MYT1L: variants seen among roughly 807,000 people sequenced by gnomAD.
MYT1L encodes myelin transcription factor 1-like protein.
In MYT1L, 12 loss-of-function variants were observed where a neutral mutation model predicts 126.7. The observed-to-expected ratio is 0.09, with a 90% CI of 0.06 to 0.15. MYT1L has a LOEUF of 0.15. Among genes scored for constraint, MYT1L ranks in the 10% least tolerant of loss-of-function variants. The pLI, the probability that MYT1L is intolerant of heterozygous loss-of-function variation, is 1.00. For missense variants in MYT1L, 979 were observed against 1,585.2 expected, an observed-to-expected ratio of 0.62 and a Z score of 6.49; for synonymous variants, 541 against 604.2, an observed-to-expected ratio of 0.90 and a Z score of 1.53.
At chr2:2,137,891 A>C (rs2148116476) in intron 3 of MYT1L, among the ~76,000 whole-genome samples, 1 of 152,334 alleles carries the variant, frequency 6.6e-6, no homozygotes, top group South Asian at 2.1e-4. Flanking sequence ...CTACCATCAG[A>C]GTAAACAGGC....
chr2:2,216,221 C>A (rs1221588169), intron 2 of MYT1L, among the ~76,000 whole-genome samples: 2 of 152,082 alleles, frequency 1.3e-5, no homozygotes, highest in Non-Finnish European at 2.9e-5. Context: ...TTATAGAATG[C>A]AAGAACAGCC....
At chr2:1,870,253 A>G (rs913692538) in intron 18 of MYT1L, among the ~76,000 whole-genome samples, 1 of 152,240 alleles carries the variant, frequency 6.6e-6, no homozygotes, top group African/African-American at 2.4e-5. Flanking sequence ...GGAGTCCTCA[A>G]GCTCTCTGTC....
chr2:1,898,134 T>C (rs2148920470), intron 14 of MYT1L, among the ~76,000 whole-genome samples: 1 of 152,330 alleles, frequency 6.6e-6, no homozygotes, highest in South Asian at 2.1e-4. Flanking sequence ...GTTCTAGAAA[T>C]GCCTATTGCC....
intron 17 of MYT1L, chr2:1,886,984 G>T: frequency 2.5e-6 from 1 of 403,152 alleles, no homozygotes; most frequent in South Asian, 1.2e-4. Context: ...TTTTTACTTT[G>T]ACAGCATTGT....
intron 21 of MYT1L, chr2:1,825,326 C>A (rs549484600): frequency 6.6e-6 from 1 of 152,182 alleles, no homozygotes; most frequent in South Asian, 2.1e-4. Flanking sequence ...CTAGTTATGG[C>A]GAGCAAGCTC....
intron 2 of MYT1L, among the ~76,000 whole-genome samples, chr2:2,189,836 G>C (rs548643894): frequency 1.5e-5 from 2 of 135,160 alleles, no homozygotes; most frequent in Non-Finnish European, 3.0e-5. Context: ...TTCTCAGGAC[G>C]GCACGGGGAG....
chr2:2,109,316 C>T (rs909387778), intron 3 of MYT1L, among the ~76,000 whole-genome samples: 5 of 152,220 alleles, frequency 3.3e-5, no homozygotes, highest in African/African-American at 9.7e-5. Context: ...GTCCCACTCC[C>T]TGACAGCGGA....
chr2:2,037,556 G>T (rs1157960272), intron 4 of MYT1L, among the ~76,000 whole-genome samples: 5 of 151,456 alleles, frequency 3.3e-5, no homozygotes, highest in Non-Finnish European at 7.4e-5. Flanking sequence ...AGGAGTTTAA[G>T]ACCAGCCTGG....
chr2:2,189,259 A>G (rs112807246), intron 2 of MYT1L, among the ~76,000 whole-genome samples: 1,744 of 152,268 alleles, frequency 0.011, 17 homozygotes, highest in Non-Finnish European at 0.016. Flanking sequence ...GTTGCTCACA[A>G]TGTTCTCCTG....
chr2:1,904,886 C>T (rs1220861586), intron 13 of MYT1L, among the ~76,000 whole-genome samples: 4 of 150,858 alleles, frequency 2.7e-5, no homozygotes, highest in Non-Finnish European at 4.4e-5. Context: ...CTCTGCCTCC[C>T]GGGTTTACAC....
At chr2:2,208,681 T>A (rs1480062130) in intron 2 of MYT1L, among the ~76,000 whole-genome samples, 4 of 152,238 alleles carry the variant, frequency 2.6e-5, no homozygotes, top group Non-Finnish European at 4.4e-5. Context: ...GAGAGATATA[T>A]CTTTAAATAT....
intron 18 of MYT1L, among the ~76,000 whole-genome samples, chr2:1,857,661 T>A (rs2044083372): frequency 6.6e-6 from 1 of 152,184 alleles, no homozygotes; most frequent in South Asian, 2.1e-4. Flanking sequence ...CAAAAATGTA[T>A]AATCAGGCCT....
chr2:2,250,097 A>G (rs780486964), intron 2 of MYT1L, among the ~76,000 whole-genome samples: 11 of 152,174 alleles, frequency 7.2e-5, no homozygotes, highest in Non-Finnish European at 1.5e-5. Context: ...TACAACCACT[A>G]TAGAGAACAG....
intron 3 of MYT1L, among the ~76,000 whole-genome samples, chr2:2,099,718 A>C (rs2077836471): frequency 6.6e-6 from 1 of 152,248 alleles, no homozygotes; most frequent in African/African-American, 2.4e-5. Flanking sequence ...ACCAACTCCA[A>C]GATCACCAGA....
chr2:1,850,190 TCCTTCCTTCCTTC>T (rs1350709091), intron 19 of MYT1L, among the ~76,000 whole-genome samples: 2 of 7,354 alleles, frequency 2.7e-4, no homozygotes, highest in Non-Finnish European at 3.8e-4. Context: ...CCCCCTTCCT[TCCTTCCTTCCTTC>T]CTTCCTTCCT....
intron 4 of MYT1L, among the ~76,000 whole-genome samples, chr2:2,018,839 C>T (rs913506002): frequency 6.6e-6 from 1 of 152,096 alleles, no homozygotes; most frequent in African/African-American, 2.4e-5. Context: ...ACCTACATTT[C>T]GTTTTTGAGT....
At chr2:1,820,592 G>A (rs1209313895) in intron 21 of MYT1L, among the ~76,000 whole-genome samples, 1 of 152,056 alleles carries the variant, frequency 6.6e-6, no homozygotes, top group Non-Finnish European at 1.5e-5. Context: ...TTGTTACCTA[G>A]GCTGGAGTTC....
At chr2:1,969,644 G>C (rs1468997707) in intron 8 of MYT1L, among the ~76,000 whole-genome samples, 1 of 152,236 alleles carries the variant, frequency 6.6e-6, no homozygotes, top group Non-Finnish European at 1.5e-5. Flanking sequence ...TGACTTGCTT[G>C]TCAGTGGCAC....
intron 2 of MYT1L, among the ~76,000 whole-genome samples, chr2:2,173,993 C>G (rs1365455836): frequency 6.6e-6 from 1 of 152,062 alleles, no homozygotes; most frequent in Admixed American, 6.6e-5. Context: ...ACAAAGGCAG[C>G]CAATAAAATG....
Sources: gnomAD v4.1 joint callset for allele counts (sites outside exome capture counted in the v4.1 genomes callset) on GRCh38, gnomAD v4.1.1 for gene constraint, MANE v1.5 for transcripts, NCBI Gene and HGNC (gene_info 2026-07-23, HGNC 2026-07-21) for gene names.